EFR3B: variants seen among roughly 807,000 people sequenced by gnomAD.
EFR3B encodes the protein protein EFR3 homolog B.
In EFR3B, 64 loss-of-function variants were observed where a neutral mutation model predicts 104.7. The ratio of observed to expected loss-of-function variants is 0.61; its 90% confidence interval spans 0.50 to 0.75. The LOEUF (loss-of-function observed/expected upper bound fraction) is 0.75, where lower values mean the gene tolerates loss of function less well. EFR3B is among the 30% of genes least tolerant of loss of function. EFR3B has a pLI of 0.00. For missense variants in EFR3B, 750 were observed against 1,078.5 expected (o/e 0.70, Z 4.27); for synonymous variants, 385 against 417.9 (o/e 0.92, Z 0.96).
chr2:25,145,020 T>C lies in EFR3B; in HGVS notation c.2111T>C (p.Val704Ala), dbSNP rs1189372127. Residue 704 changes from valine (V) to alanine (A), a missense_variant, in exon 19 of 23, where the codon GTA becomes GCA. Transcript: ENST00000403714. ...GAGACCATCTCCCTGCAGGTGGAGG[T>C]AGAATCGAGGAACAGTCCGGAGAAG... ...IGETISLQVE[V>A]ESRNSPEKEE... is the part of the protein sequence containing the mutation. 2 of 1,551,530 alleles carry C rather than the reference T, an allele frequency of 1.3e-6. No homozygotes were observed. The highest frequency in any genetic ancestry group is 1.7e-6 in the Non-Finnish European group (2 of 1,146,958).
rs574586034 is a variant in EFR3B at position 25,136,683 on chromosome 2, G to A, written c.1560+85G>A. The A allele has an allele frequency of 6.4e-4, 758 of 1,189,600 alleles. 1 individual carries two copies. The highest frequency in any genetic ancestry group is 4.9e-4 in the Non-Finnish European group (407 of 829,104). The allele number at this position is 1,189,600 out of a possible 1,614,324, so 73.7% of individuals were successfully genotyped here. ...TCCCAGCACTTTGGGAGGCTGAGGC[G>A]GGCGGATAGATCACTTGAGGTGGGG... On this transcript the variant is annotated intron_variant, in intron 14 of 22. Coordinates refer to ENST00000403714, the MANE Select transcript of EFR3B (RefSeq NM_014971.2). This position sits in a 1 kb window ranked among gnomAD's most constrained non-coding sequence, Gnocchi z 4.0.
chr2:25,154,307 T>A lies in EFR3B; in HGVS notation c.2421T>A (p.Tyr807Ter), dbSNP rs2164808. 2 of 1,551,918 alleles carry A rather than the reference T, an allele frequency of 1.3e-6. No individual in the cohort carries two copies. Among genetic ancestry groups the A allele is most frequent in the Non-Finnish European group, 1.7e-6 (2 of 1,147,044 alleles). The change falls in exon 23 of 23, where the codon TAT (tyrosine) becomes TAA (stop). Residue 807 changes from tyrosine (Y) to a stop codon, truncating the protein, a stop_gained. Coordinates refer to ENST00000403714, the MANE Select transcript of EFR3B (RefSeq NM_014971.2). LOFTEE classifies it high-confidence loss of function. The surrounding 1 kb of genome is among the most constrained non-coding windows in gnomAD (Gnocchi z 4.1). ...GQPQNHSIPV[Y>*]EMKFPDLCVY ...CGCAGAACCACTCCATCCCCGTCTA[T>A]GAAATGAAGTTTCCCGATCTGTGTG...
intron 21 of EFR3B, among the ~76,000 whole-genome samples, chr2:25,152,887 C>T (rs1239884429): frequency 6.6e-6 from 1 of 151,718 alleles, no homozygotes; most frequent in Non-Finnish European, 1.5e-5. Flanking sequence ...ATTGTTCTAA[C>T]CTCTCATCCC....
intron 1 of EFR3B, among the ~76,000 whole-genome samples, chr2:25,061,958 C>G (rs1269168931): frequency 6.6e-6 from 1 of 152,118 alleles, no homozygotes; most frequent in Non-Finnish European, 1.5e-5. Flanking sequence ...TTTATTTTTA[C>G]TTTATTTTAT....
At chr2:25,043,088 T>A (rs1667617615) in intron 1 of EFR3B, among the ~76,000 whole-genome samples, 2 of 152,022 alleles carry the variant, frequency 1.3e-5, no homozygotes, top group Non-Finnish European at 2.9e-5. Flanking sequence ...GCGCGTTGGG[T>A]CCCACATTGC....
chr2:25,061,001 C>T (rs988215091), intron 1 of EFR3B, among the ~76,000 whole-genome samples: 1 of 152,028 alleles, frequency 6.6e-6, no homozygotes, highest in Non-Finnish European at 1.5e-5. Flanking sequence ...CGAGGTGCTG[C>T]GAGAGGCCCA....
At chr2:25,098,537 A>G (rs1669345499) in intron 3 of EFR3B, among the ~76,000 whole-genome samples, 1 of 152,172 alleles carries the variant, frequency 6.6e-6, no homozygotes, top group South Asian at 2.1e-4. Context: ...TGAGTGTGTA[A>G]CAGATTAGAC....
chr2:25,144,950 T>G lies in EFR3B; in HGVS notation c.2051-10T>G, dbSNP rs1049233662. The stretch of plus-strand genomic sequence containing the variant: ...TGGGAACTAAAGCCTCTGGGCTGCT[T>G]CTTCCCCAGATGAGGATCGTTTATC... On this transcript the variant is annotated splice_polypyrimidine_tract_variant and intron_variant, in intron 18 of 22. Coordinates refer to ENST00000403714, the MANE Select transcript of EFR3B (RefSeq NM_014971.2). The G allele has an allele frequency of 3.9e-6, 6 of 1,551,250 alleles. No individual in the cohort carries two copies. The East Asian group carries it at 7.3e-5, about 19-fold the overall frequency.
rs569807989 is a variant in EFR3B, at chr2:25,125,765, G to A, written c.486-2418G>A. The stretch of plus-strand genomic sequence containing the variant: ...AGATCGAGACCATCCTGGCTAACAC[G>A]GTGAAACCCTGTCTCTACTAAAAAT... On this transcript the variant is annotated intron_variant, in intron 5 of 22. Coordinates refer to ENST00000403714, the MANE Select transcript of EFR3B (RefSeq NM_014971.2). Among the ~76,000 whole-genome samples, 62 of 152,260 alleles carry A rather than the reference G, an allele frequency of 4.1e-4. 1 individual carries two copies. Among genetic ancestry groups the A allele is most frequent in the South Asian group, 2.1e-3 (10 of 4,824 alleles).
At chr2:25,051,624 T>G (rs1667871339) in intron 1 of EFR3B, among the ~76,000 whole-genome samples, 1 of 96,484 alleles carries the variant, frequency 1.0e-5, no homozygotes, top group Admixed American at 1.2e-4. Context: ...ATTTCTCTTT[T>G]GTGTGTGTGT....
chr2:25,136,378 A>C lies in EFR3B; in HGVS notation c.1485-145A>C, dbSNP rs1670515461. On this transcript the variant is annotated intron_variant, in intron 13 of 22. Coordinates refer to ENST00000403714, the MANE Select transcript of EFR3B (RefSeq NM_014971.2). The surrounding 1 kb of genome is among the most constrained non-coding windows in gnomAD (Gnocchi z 4.0). ...AAATTCTTGAGAACTTGGGAGGAAAAGGTAATCGGGCTGAGAACCAGGGCC... is the reference window on the plus strand; with the variant it reads ...AAATTCTTGAGAACTTGGGAGGAAACGGTAATCGGGCTGAGAACCAGGGCC... 2 of 598,080 alleles carry C rather than the reference A, an allele frequency of 3.3e-6. No homozygotes were observed. Among genetic ancestry groups the C allele is most frequent in the East Asian group, 5.9e-5 (2 of 34,050 alleles). The allele number at this position is 598,080 out of a possible 1,614,324, so 37.0% of individuals were successfully genotyped here.
At chr2:25,088,959 C>G in intron 1 of EFR3B, among the ~76,000 whole-genome samples, 1 of 152,206 alleles carries the variant, frequency 6.6e-6, no homozygotes, top group East Asian at 1.9e-4. Flanking sequence ...GCCCTGGGGC[C>G]CTGCCTGGGA....
In EFR3B at chr2:25,061,654, C is replaced by T. The variant is rs113750232; in HGVS notation, c.7+19335C>T. Among the ~76,000 whole-genome samples the T allele has an allele frequency of 2.0e-3, 306 of 151,568 alleles. 3 individuals carry two copies. The highest frequency in any genetic ancestry group is 6.8e-3 in the African/African-American group (283 of 41,332). On this transcript the variant is annotated intron_variant, in intron 1 of 22. Coordinates refer to ENST00000403714, the MANE Select transcript of EFR3B (RefSeq NM_014971.2). ...GATTACAGGCGTGCGCCACCACGCC[C>T]GGCTATTTCTTTTGTATTTTTAGTA...
intron 1 of EFR3B, among the ~76,000 whole-genome samples, chr2:25,081,945 C>G (rs1205097988): frequency 6.6e-6 from 1 of 152,186 alleles, no homozygotes; most frequent in Admixed American, 6.5e-5. Flanking sequence ...AACCACCAAT[C>G]GCCCTGAGTA....
chr2:25,139,208 C>A lies in EFR3B; in HGVS notation c.1854+18C>A, dbSNP rs1227841648. 2 of 1,548,316 alleles carry A rather than the reference C, an allele frequency of 1.3e-6. No individual in the cohort carries two copies. Among genetic ancestry groups the A allele is most frequent in the African/African-American group, 1.4e-5 (1 of 72,992 alleles). ...TCCATGAGGTTGGTGTTCTCACGAC[C>A]AAGAGCTCAGGGGGCCCTCAACTTG... On this transcript the variant is annotated intron_variant, in intron 16 of 22. Coordinates refer to ENST00000403714, the MANE Select transcript of EFR3B (RefSeq NM_014971.2).
chr2:25,129,681 C>CCT (rs1173893134), intron 6 of EFR3B, among the ~76,000 whole-genome samples: 1 of 152,184 alleles, frequency 6.6e-6, no homozygotes, highest in Non-Finnish European at 1.5e-5. Context: ...CTACACCTCA[C>CCT]CTGGCCCATG....
At chr2:25,043,222 C>A (rs1667622013) in intron 1 of EFR3B, among the ~76,000 whole-genome samples, 1 of 152,142 alleles carries the variant, frequency 6.6e-6, no homozygotes, top group African/African-American at 2.4e-5. Context: ...TCCATGAAAA[C>A]CCAGGTCTCT....
chr2:25,093,715 C>A (rs522806), intron 3 of EFR3B, among the ~76,000 whole-genome samples: 55,519 of 151,666 alleles, frequency 0.37, 12,213 homozygotes, highest in Admixed American at 0.53. Flanking sequence ...CAGTCTGGGG[C>A]CTTAAAAAAA....
At chr2:25,113,256 A>C (rs1362611242) in intron 4 of EFR3B, among the ~76,000 whole-genome samples, 1 of 152,198 alleles carries the variant, frequency 6.6e-6, no homozygotes, top group African/African-American at 2.4e-5. Context: ...TAACCAAACA[A>C]ACAAACAAAA....
Sources: gnomAD v4.1 joint callset for allele counts (sites outside exome capture counted in the v4.1 genomes callset) on GRCh38, gnomAD v4.1.1 for gene constraint, Gnocchi (gnomAD v3.1) non-coding constraint, MANE v1.5 for transcripts, NCBI Gene and HGNC (gene_info 2026-07-23, HGNC 2026-07-21) for gene names.